SECISBP2L: variants seen among roughly 807,000 people sequenced by gnomAD.
SECISBP2L encodes SECIS binding protein 2 like.
A neutral mutation model predicts 114.7 loss-of-function variants in SECISBP2L; 43 were observed. That is an observed-to-expected ratio of 0.38 (90% CI 0.29 to 0.48). The LOEUF (loss-of-function observed/expected upper bound fraction) is 0.48. SECISBP2L is among the 20% of genes least tolerant of loss of function. The probability of loss-of-function intolerance (pLI) is 0.98; values close to 1 mark genes in which losing one functional copy is unlikely to be tolerated. For missense variants in SECISBP2L, 1,136 were observed against 1,301.1 expected, an observed-to-expected ratio of 0.87 and a Z score of 1.95; for synonymous variants, 451 against 439.7, an observed-to-expected ratio of 1.03 and a Z score of -0.32.
In SECISBP2L at chr15:48,988,913, T is replaced by C. The variant is rs986912651; in HGVS notation, c.*3331A>G. On this transcript the variant is annotated 3_prime_UTR_variant, in exon 18 of 18. Transcript: ENST00000559471. ...TCAAGGTGTGATGTGCCAACAAAAT[T>C]TAAATTTTTCTCATTAGGATTCAGA... The C allele has an allele frequency of 1.7e-5, 3 of 172,120 alleles. No individual in the cohort carries two copies. Among genetic ancestry groups the C allele is most frequent in the African/African-American group, 7.2e-5 (3 of 41,690 alleles). The allele number at this position is 172,120 out of a possible 1,614,324, so 10.7% of individuals were successfully genotyped here. A position where few individuals can be genotyped will look rare whatever the true frequency, so the allele number is the denominator to read the frequency against.
chr15:49,025,573 TA>T (rs1205129419), intron 7 of SECISBP2L, among the ~76,000 whole-genome samples: 1 of 152,088 alleles, frequency 6.6e-6, no homozygotes, highest in South Asian at 2.1e-4. Flanking sequence ...ATTTTTCAAT[TA>T]AAAAATGGGC....
At position 49,046,411 on chromosome 15, in the gene SECISBP2L, T is replaced by C; in HGVS notation, c.-112A>G. 1 of 1,207,042 alleles carries C rather than the reference T, an allele frequency of 8.3e-7. No homozygotes were observed. The highest frequency in any genetic ancestry group is 3.2e-5 in the East Asian group (1 of 31,504). 74.8% of individuals were successfully genotyped at this position (1,207,042 alleles called of 1,614,324 possible). On this transcript the variant is annotated 5_prime_UTR_variant, in exon 1 of 18. Transcript: ENST00000559471. ...ACTGGGTTCCGGACCTCCGCCCCTA[T>C]CTGGCTGGCCGCGACACCGATTCGG...
At chr15:49,040,801 G>T (rs1459140173) in intron 1 of SECISBP2L, among the ~76,000 whole-genome samples, 1 of 151,578 alleles carries the variant, frequency 6.6e-6, no homozygotes, top group Non-Finnish European at 1.5e-5. Flanking sequence ...GCCTCCCAAA[G>T]TGCTGGGATT....
intron 1 of SECISBP2L, among the ~76,000 whole-genome samples, chr15:49,038,686 T>C (rs915312023): frequency 6.6e-6 from 1 of 152,142 alleles, no homozygotes; most frequent in African/African-American, 2.4e-5. Context: ...CTATATGTTA[T>C]AGTTAACAAC....
intron 4 of SECISBP2L, among the ~76,000 whole-genome samples, chr15:49,032,021 A>C (rs1458375677): frequency 6.6e-6 from 1 of 152,200 alleles, no homozygotes; most frequent in African/African-American, 2.4e-5. Flanking sequence ...CAATGACTGT[A>C]CTATCAACAA....
At position 49,033,088 on chromosome 15, in the gene SECISBP2L, G is replaced by T. The variant is rs1295095345; in HGVS notation, c.541C>A (p.Gln181Lys). 8 of 1,611,988 alleles carry T rather than the reference G, an allele frequency of 5.0e-6. No individual in the cohort carries two copies. Among genetic ancestry groups the T allele is most frequent in the Non-Finnish European group, 6.8e-6 (8 of 1,179,484 alleles). ...GGCCTTTTGCTTTTTATGTGCTGTT[G>T]TAAAAGCTGTTGCTGATTTAAAAAA... The part of the protein sequence containing the change: ...GSVVPKQQLL[Q>K]QHIKSKRPLV... The change falls in exon 4 of 18, where the codon CAA becomes AAA. Residue 181 changes from glutamine (Q) to lysine (K), a missense_variant. Gln to Lys is a moderately conservative substitution (Grantham distance 53, BLOSUM62 1). Around this residue, in one of 2 missense-constraint regions of SECISBP2L, gnomAD observed 452 missense variants for 452.3 expected, o/e 1.00. Transcript: ENST00000559471.
chr15:49,030,544 T>A (rs532634247), intron 4 of SECISBP2L, among the ~76,000 whole-genome samples: 69 of 152,338 alleles, frequency 4.5e-4, no homozygotes, highest in Admixed American at 3.1e-3. Flanking sequence ...TGCTAATCCT[T>A]TGTCAGTTAT....
intron 17 of SECISBP2L, chr15:48,995,866 T>C (rs1331087122): frequency 6.5e-6 from 1 of 155,034 alleles, no homozygotes; most frequent in African/African-American, 2.4e-5. Context: ...GTAGTTTACT[T>C]AGTAAATACA....
intron 5 of SECISBP2L, 129 bp downstream of exon 5, chr15:49,028,324 A>C (rs1902799502): frequency 2.0e-6 from 2 of 1,011,578 alleles, no homozygotes; most frequent in Non-Finnish European, 2.9e-6. Context: ...AAAATACAAA[A>C]TACATTTGTA....
At chr15:49,028,341 C>CT in intron 5 of SECISBP2L, 112 bp downstream of exon 5, 1 of 1,073,720 alleles carries the variant, frequency 9.3e-7, no homozygotes, top group South Asian at 1.6e-5. Flanking sequence ...TGTAACTATC[C>CT]TATTACTACA....
rs555284697 is a variant in SECISBP2L at position 48,989,859 on chromosome 15, C to T, written c.*2385G>A. ...CCTAATTTTCACAACTCCTCCAAAG[C>T]CTGTAATTCAATATTCCAAAATTTA... On this transcript the variant is annotated 3_prime_UTR_variant, in exon 18 of 18. Transcript: ENST00000559471. The T allele has an allele frequency of 6.6e-6, 1 of 152,606 alleles. No individual in the cohort carries two copies. The highest frequency in any genetic ancestry group is 2.1e-4 in the South Asian group (1 of 4,802). 9.5% of individuals were successfully genotyped at this position (152,606 alleles called of 1,614,324 possible).
At chr15:49,008,837 T>C (rs1902376502) in intron 14 of SECISBP2L, among the ~76,000 whole-genome samples, 1 of 152,166 alleles carries the variant, frequency 6.6e-6, no homozygotes, top group African/African-American at 2.4e-5. Flanking sequence ...AATAGGGTCT[T>C]AGAAACCTAT....
In SECISBP2L at chr15:49,032,370, T is replaced by C. The variant is rs150055818; in HGVS notation, c.664+595A>G. Among the ~76,000 whole-genome samples, 10 of 152,268 alleles carry C rather than the reference T, an allele frequency of 6.6e-5. No homozygotes were observed. In the East Asian group the frequency reaches 1.7e-3, roughly 26 times the overall value. On this transcript the variant is annotated intron_variant, in intron 4 of 17. Coordinates refer to ENST00000559471, the MANE Select transcript of SECISBP2L (RefSeq NM_001193489.2). Reference sequence around the variant, plus strand: ...ATTTCAAAATATAAACTGTAAAAAATAGCACATTGTAAGAATACTAATTCT... The same window carrying C: ...ATTTCAAAATATAAACTGTAAAAAACAGCACATTGTAAGAATACTAATTCT...
intron 7 of SECISBP2L, among the ~76,000 whole-genome samples, chr15:49,023,484 A>G (rs952519629): frequency 2.0e-5 from 3 of 152,216 alleles, no homozygotes; most frequent in Non-Finnish European, 4.4e-5. Flanking sequence ...AAACTGATAC[A>G]ATCTGGTGAT....
At position 49,001,068 on chromosome 15, in the gene SECISBP2L, A is replaced by T; in HGVS notation, c.2057T>A (p.Ile686Asn). 1 of 1,612,724 alleles carries T rather than the reference A, an allele frequency of 6.2e-7. No homozygotes were observed. Among genetic ancestry groups the T allele is most frequent in the Non-Finnish European group, 8.5e-7 (1 of 1,179,552 alleles). Residue 686 changes from isoleucine to asparagine, a missense_variant, in exon 15 of 18, where the codon ATT becomes AAT. Coordinates refer to ENST00000559471, the MANE Select transcript of SECISBP2L (RefSeq NM_001193489.2). ...GAGAAGAAGAGTCACACATTCATCA[A>T]TCTCTTTACAAAGAACCTGATTACA... The part of the protein sequence containing the change: ...EYCNQVLCKE[I>N]DECVTLLLQE...
In SECISBP2L at chr15:49,023,464, C is replaced by T. The variant is rs1902682960; in HGVS notation, c.1035+3901G>A. Among the ~76,000 whole-genome samples, 4 of 152,320 alleles carry T rather than the reference C, an allele frequency of 2.6e-5. No individual in the cohort carries two copies. In the South Asian group the frequency reaches 8.3e-4, roughly 32 times the overall value. The stretch of plus-strand genomic sequence containing the variant: ...AAACTAGGCACTTTCCACATTGTTG[C>T]TGAGGATGCAAACTGATACAATCTG... On this transcript the variant is annotated intron_variant, in intron 7 of 17. Transcript: ENST00000559471.
At chr15:48,992,995 C>A (rs113905266) in intron 17 of SECISBP2L, 69 bp from the exon 18 acceptor site, 10 of 1,321,036 alleles carry the variant, frequency 7.6e-6, no homozygotes, top group African/African-American at 4.4e-5. Flanking sequence ...CTTTAAAAAC[C>A]CCCAAAAAAG....
Position 49,032,976 on chromosome 15 carries a change from G to A in SECISBP2L, c.653C>T (p.Ser218Leu). Reference protein sequence around the residue: ...RSKIVLLVDASQQTDFPSDIA... With the variant: ...RSKIVLLVDALQQTDFPSDIA... ...AACCCTTGCCTTACCAGTTTGCTGT[G>A]AAGCATCTACCAGAAGCACAATTTT... The change falls in exon 4 of 18, where the codon TCA (serine) becomes TTA (leucine). Residue 218 changes from serine to leucine, a missense_variant. Coordinates refer to ENST00000559471, the MANE Select transcript of SECISBP2L (RefSeq NM_001193489.2). 1 of 1,613,736 alleles carries A rather than the reference G, an allele frequency of 6.2e-7. No homozygotes were observed. Among genetic ancestry groups the A allele is most frequent in the African/African-American group, 1.3e-5 (1 of 75,014 alleles).
At chr15:49,017,068 T>C (rs1902552012) in intron 9 of SECISBP2L, 53 bp from the exon 10 acceptor site, 2 of 1,569,458 alleles carry the variant, frequency 1.3e-6, no homozygotes, top group Non-Finnish European at 1.7e-6. Context: ...AAGTCAATCA[T>C]AAGGAAAAAG....
Sources: allele counts gnomAD v4.1 joint callset (sites outside exome capture counted in the v4.1 genomes callset), GRCh38; gene constraint gnomAD v4.1.1; regional missense constraint gnomAD v4.1.1; transcripts MANE v1.5; gene names NCBI Gene and HGNC (gene_info 2026-07-23, HGNC 2026-07-21).